Variants in CNTN4 observed in about 807,000 individuals in gnomAD.
CNTN4 encodes contactin 4.
A neutral mutation model predicts 122.5 loss-of-function variants in CNTN4; 77 were observed. The ratio of observed to expected loss-of-function variants is 0.63; its 90% CI spans 0.52 to 0.76. The LOEUF (loss-of-function observed/expected upper bound fraction) is 0.76. Ranked by LOEUF, CNTN4 falls within the 30% of genes least tolerant of loss-of-function variation. The probability of loss-of-function intolerance (pLI) is 0.00; values close to 1 mark genes in which losing one functional copy is unlikely to be tolerated. For synonymous variants in CNTN4, 512 were observed against 447.0 expected (o/e 1.15, Z -1.83); for missense variants, 1,256 against 1,259.1 (o/e 1.00, Z 0.04).
At chr3:2,260,255 C>T (rs781318974) in intron 2 of CNTN4, among the ~76,000 whole-genome samples, 2 of 152,004 alleles carry the variant, frequency 1.3e-5, no homozygotes, top group East Asian at 1.9e-4. Flanking sequence ...GGGTGTCCTG[C>T]GCATTATAGG....
intron 13 of CNTN4, among the ~76,000 whole-genome samples, chr3:2,932,184 T>G (rs999495545): frequency 6.6e-6 from 1 of 152,058 alleles, no homozygotes. Context: ...GAGACCATCC[T>G]GGCTAACACG....
At chr3:2,169,611 A>G (rs998899475) in intron 2 of CNTN4, among the ~76,000 whole-genome samples, 56 of 151,994 alleles carry the variant, frequency 3.7e-4, no homozygotes, top group Non-Finnish European at 2.2e-4. Context: ...GCTAGCCAGG[A>G]TGGTCTCGAT....
At chr3:2,361,325 C>T (rs1356476271) in intron 3 of CNTN4, among the ~76,000 whole-genome samples, 1 of 152,194 alleles carries the variant, frequency 6.6e-6, no homozygotes, top group Non-Finnish European at 1.5e-5. Context: ...TTTTGTCCCT[C>T]AGGAGATACT....
chr3:2,495,546 C>T (rs2076430511), intron 3 of CNTN4, among the ~76,000 whole-genome samples: 1 of 152,192 alleles, frequency 6.6e-6, no homozygotes, highest in Admixed American at 6.5e-5. Flanking sequence ...CTGTTAGGAA[C>T]CTGGCTGCAC....
At chr3:2,798,366 A>ATCTATCTATCTATCTATGT in intron 6 of CNTN4, among the ~76,000 whole-genome samples, 1 of 135,464 alleles carries the variant, frequency 7.4e-6, no homozygotes, top group Admixed American at 7.9e-5. Context: ...TACACACATA[A>ATCTATCTATCTATCTATGT]ATCTATCTAT....
chr3:2,561,932 G>A (rs1452597233), intron 3 of CNTN4, among the ~76,000 whole-genome samples: 1 of 152,194 alleles, frequency 6.6e-6, no homozygotes, highest in Non-Finnish European at 1.5e-5. Flanking sequence ...TAATCAATTA[G>A]CATTGCTTTC....
chr3:2,801,194 A>G (rs986793627), intron 6 of CNTN4, among the ~76,000 whole-genome samples: 6 of 152,224 alleles, frequency 3.9e-5, no homozygotes, highest in Non-Finnish European at 2.9e-5. Flanking sequence ...TTATGAACAT[A>G]TGTTAAGAGA....
chr3:2,351,845 G>T (rs1165426528), intron 3 of CNTN4, among the ~76,000 whole-genome samples: 4 of 151,804 alleles, frequency 2.6e-5, no homozygotes, highest in Non-Finnish European at 5.9e-5. Context: ...GGGGATTGTT[G>T]GTCAAAAGGT....
intron 4 of CNTN4, among the ~76,000 whole-genome samples, chr3:2,689,977 T>C (rs575447750): frequency 6.6e-6 from 1 of 152,264 alleles, no homozygotes; most frequent in South Asian, 2.1e-4. Flanking sequence ...TAAGATCATA[T>C]GTCTTCTCAT....
chr3:2,734,419 A>G (rs17019528), intron 4 of CNTN4, among the ~76,000 whole-genome samples: 2,334 of 152,222 alleles, frequency 0.015, 68 homozygotes, highest in African/African-American at 0.053. Context: ...TTATTGATTT[A>G]TAGATGAAAC....
chr3:3,033,780 T>G (rs1343314020), intron 16 of CNTN4, among the ~76,000 whole-genome samples: 1 of 152,244 alleles, frequency 6.6e-6, no homozygotes, highest in Non-Finnish European at 1.5e-5. Context: ...GTTGATATTT[T>G]GTCTTTACCT....
At chr3:2,467,351 T>C (rs1575696235) in intron 3 of CNTN4, among the ~76,000 whole-genome samples, 4 of 152,210 alleles carry the variant, frequency 2.6e-5, no homozygotes, top group Non-Finnish European at 4.4e-5. Context: ...ATGTTAATTA[T>C]ATTTGCCCTT....
At chr3:2,378,955 T>G (rs1477429846) in intron 3 of CNTN4, among the ~76,000 whole-genome samples, 1 of 152,158 alleles carries the variant, frequency 6.6e-6, no homozygotes, top group Admixed American at 6.5e-5. Flanking sequence ...ATCTTTTCAA[T>G]GTAAGGTAGT....
chr3:2,384,767 T>TGTG (rs2046177814), intron 3 of CNTN4, among the ~76,000 whole-genome samples: 1 of 151,422 alleles, frequency 6.6e-6, no homozygotes, highest in African/African-American at 2.4e-5. Context: ...TGTGCGTGTG[T>TGTG]GTGTGTGTGT....
intron 4 of CNTN4, among the ~76,000 whole-genome samples, chr3:2,605,655 A>G (rs1021140744): frequency 3.9e-5 from 6 of 152,110 alleles, no homozygotes; most frequent in African/African-American, 1.4e-4. Flanking sequence ...CAGATTCTGG[A>G]TGCATTTTGA....
At chr3:2,517,537 G>A (rs570926250) in intron 3 of CNTN4, among the ~76,000 whole-genome samples, 9 of 152,236 alleles carry the variant, frequency 5.9e-5, no homozygotes, top group African/African-American at 1.9e-4. Flanking sequence ...ACGGTAGGGC[G>A]TAATGCCATG....
At chr3:2,376,554 T>C (rs1374351174) in intron 3 of CNTN4, among the ~76,000 whole-genome samples, 1 of 152,140 alleles carries the variant, frequency 6.6e-6, no homozygotes, top group Admixed American at 6.5e-5. Context: ...ATAAGTGTTT[T>C]TGATGCATTA....
At chr3:2,820,102 G>T (rs1037065005) in intron 7 of CNTN4, among the ~76,000 whole-genome samples, 1 of 152,070 alleles carries the variant, frequency 6.6e-6, no homozygotes, top group Admixed American at 6.5e-5. Context: ...CTCTGGGATG[G>T]TTAGTGTCAG....
At chr3:2,743,056 T>C (rs937445671) in intron 5 of CNTN4, among the ~76,000 whole-genome samples, 10 of 152,208 alleles carry the variant, frequency 6.6e-5, no homozygotes, top group Non-Finnish European at 1.2e-4. Flanking sequence ...TTAGTTGAGA[T>C]GACTAGTGTA....
Sources: allele counts gnomAD v4.1 joint callset (sites outside exome capture counted in the v4.1 genomes callset), GRCh38; gene constraint gnomAD v4.1.1; transcripts MANE v1.5; gene names NCBI Gene and HGNC (gene_info 2026-07-23, HGNC 2026-07-21).